Variants in SUSD1 observed in about 807,000 individuals in gnomAD.
SUSD1 encodes sushi domain-containing protein 1.
In SUSD1, 65 loss-of-function variants were observed where a neutral mutation model predicts 86.9. The ratio of observed to expected loss-of-function variants is 0.75; its 90% CI spans 0.61 to 0.92. SUSD1 has a LOEUF of 0.92. SUSD1 is among the 40% of genes least tolerant of loss of function. The probability of loss-of-function intolerance (pLI) is 0.00; values close to 1 mark genes in which losing one functional copy is unlikely to be tolerated. For missense variants in SUSD1, 850 were observed against 929.7 expected (o/e 0.91, Z 1.11); for synonymous variants, 346 against 350.0 (o/e 0.99, Z 0.13).
chr9:112,171,911 C>T (rs1834061598), intron 1 of SUSD1, among the ~76,000 whole-genome samples: 1 of 152,092 alleles, frequency 6.6e-6, no homozygotes, highest in African/African-American at 2.4e-5. Context: ...GTATCTACTC[C>T]GAGGCCAGGA....
At chr9:112,107,755 G>T (rs921585890) in intron 8 of SUSD1, among the ~76,000 whole-genome samples, 6 of 152,042 alleles carry the variant, frequency 3.9e-5, no homozygotes, top group African/African-American at 1.4e-4. Context: ...TGTTACTAGC[G>T]AAAGAATCTA....
Position 112,116,946 on chromosome 9 carries a change from C to A in SUSD1, c.887-4078G>T, listed in dbSNP as rs1288946553. Among the ~76,000 whole-genome samples the A allele has an allele frequency of 2.0e-5, 3 of 152,234 alleles. No individual in the cohort carries two copies. In the East Asian group the frequency reaches 5.8e-4, roughly 29 times the overall value. On this transcript the variant is annotated intron_variant, in intron 6 of 16. Transcript: ENST00000374270. ...CTTGAGGCCAGGAGTTCAAGACCAG[C>A]CTGGCCAACATGGCAAAAACATGTC...
At chr9:112,088,271 A>G (rs1024056517) in intron 10 of SUSD1, among the ~76,000 whole-genome samples, 1 of 152,252 alleles carries the variant, frequency 6.6e-6, no homozygotes, top group Non-Finnish European at 1.5e-5. Context: ...AGGATTGGTG[A>G]TAAGCATTTG....
chr9:112,103,672 G>C (rs529033904), intron 8 of SUSD1, among the ~76,000 whole-genome samples: 43 of 152,272 alleles, frequency 2.8e-4, no homozygotes, highest in Non-Finnish European at 5.3e-4. Context: ...AGTAAAAATG[G>C]GTCAAAATTT....
At chr9:112,042,498 T>C (rs1003564356) in intron 15 of SUSD1, among the ~76,000 whole-genome samples, 1 of 152,166 alleles carries the variant, frequency 6.6e-6, no homozygotes, top group Non-Finnish European at 1.5e-5. Flanking sequence ...AGGATAAAAG[T>C]ACTTTGAAAG....
Position 112,130,043 on chromosome 9 carries a change from A to G in SUSD1, c.707-5607T>C, listed in dbSNP as rs16936405. ...ACCAGTATTAATCTTGTGCCAGGGA[A>G]TTATAAGAAAGTTGTTCAGGCCTCA... On this transcript the variant is annotated intron_variant, in intron 5 of 16. Transcript: ENST00000374270. Among the ~76,000 whole-genome samples the G allele has an allele frequency of 6.1e-4, 93 of 152,258 alleles. No individual in the cohort carries two copies. In the East Asian group the frequency reaches 0.017, roughly 27 times the overall value.
intron 13 of SUSD1, 105 bp downstream of exon 13, chr9:112,062,832 C>A: frequency 2.7e-6 from 2 of 728,654 alleles, no homozygotes; most frequent in Non-Finnish European, 4.7e-6. Flanking sequence ...TCTAACCACC[C>A]AAGTGCAGCC....
intron 13 of SUSD1, among the ~76,000 whole-genome samples, chr9:112,060,117 C>A (rs575387564): frequency 2.0e-5 from 3 of 152,214 alleles, no homozygotes; most frequent in East Asian, 3.9e-4. Context: ...ACATGTCAAA[C>A]GCCCTATCTC....
intron 12 of SUSD1, among the ~76,000 whole-genome samples, chr9:112,077,913 T>G: frequency 6.6e-6 from 1 of 152,156 alleles, no homozygotes; most frequent in East Asian, 1.9e-4. Flanking sequence ...ATGCTTTAAA[T>G]ATCCAGAAGC....
intron 14 of SUSD1, among the ~76,000 whole-genome samples, chr9:112,053,029 T>C (rs932253165): frequency 2.0e-5 from 3 of 152,212 alleles, no homozygotes; most frequent in Admixed American, 6.5e-5. Flanking sequence ...CATTATGATA[T>C]GCTTATTTAC....
At chr9:112,095,331 G>A (rs1312462477) in intron 10 of SUSD1, among the ~76,000 whole-genome samples, 1 of 152,236 alleles carries the variant, frequency 6.6e-6, no homozygotes, top group Non-Finnish European at 1.5e-5. Flanking sequence ...AAGGGTAAAG[G>A]CTTAGAGCTG....
intron 5 of SUSD1, among the ~76,000 whole-genome samples, chr9:112,136,873 C>T (rs575463534): frequency 6.6e-5 from 10 of 152,258 alleles, no homozygotes; most frequent in South Asian, 4.1e-4. Flanking sequence ...AGAGTTGACT[C>T]GGCAACAATG....
intron 10 of SUSD1, among the ~76,000 whole-genome samples, chr9:112,095,999 T>C (rs1255086675): frequency 6.6e-6 from 1 of 152,160 alleles, no homozygotes; most frequent in African/African-American, 2.4e-5. Context: ...TCTAAAATTT[T>C]CAAGGAGAGT....
At chr9:112,130,556 AGAAAG>A (rs1397205386) in intron 5 of SUSD1, among the ~76,000 whole-genome samples, 1 of 150,358 alleles carries the variant, frequency 6.7e-6, no homozygotes, top group African/African-American at 2.4e-5. Context: ...AGGAAAGAAA[AGAAAG>A]GAAAGAAAGG....
intron 1 of SUSD1, among the ~76,000 whole-genome samples, chr9:112,170,139 G>A (rs140617205): frequency 8.4e-4 from 128 of 152,288 alleles, no homozygotes; most frequent in African/African-American, 2.9e-3. Flanking sequence ...CCTGGAGGTG[G>A]AAGACAAGCC....
At position 112,069,525 on chromosome 9, in the gene SUSD1, C is replaced by A. The variant is rs188238799; in HGVS notation, c.1754-6492G>T. 3.9e-3 allele frequency among the ~76,000 whole-genome samples: 592 copies of A among 152,252 alleles called. 1 individual carries two copies. Among genetic ancestry groups the A allele is most frequent in the Non-Finnish European group, 6.3e-3 (428 of 68,020 alleles). ...GAACGTACCCCTTCCCCTTTGAGAT[C>A]GAACTGCCCTCAGGCCCTTTGCTAT... On this transcript the variant is annotated intron_variant, in intron 12 of 16. Transcript: ENST00000374270.
chr9:112,108,905 C>T (rs993769607), intron 8 of SUSD1, among the ~76,000 whole-genome samples: 15 of 147,076 alleles, frequency 1.0e-4, no homozygotes, highest in African/African-American at 3.5e-4. Context: ...AATTTTAAAA[C>T]CCAAGAGTTC....
chr9:112,072,353 T>C (rs1232883221), intron 12 of SUSD1, among the ~76,000 whole-genome samples: 4 of 152,084 alleles, frequency 2.6e-5, no homozygotes, highest in Admixed American at 2.6e-4. Flanking sequence ...TTCACCATGT[T>C]GGCCAGGCTG....
Position 112,080,058 on chromosome 9 carries a change from A to T in SUSD1, c.1566+16T>A. The T allele has an allele frequency of 6.3e-7, 1 of 1,585,012 alleles. No homozygotes were observed. Among genetic ancestry groups the T allele is most frequent in the Non-Finnish European group, 8.7e-7 (1 of 1,153,916 alleles). ...AAGACAACCATCTATAAATACAGTA[A>T]CTTTCAGTCACTTACTAAATACATC... On this transcript the variant is annotated intron_variant, in intron 11 of 16. Coordinates refer to ENST00000374270, the MANE Select transcript of SUSD1 (RefSeq NM_022486.5).
Sources: gnomAD v4.1 joint callset for allele counts (sites outside exome capture counted in the v4.1 genomes callset) on GRCh38, gnomAD v4.1.1 for gene constraint, MANE v1.5 for transcripts, NCBI Gene and HGNC (gene_info 2026-07-23, HGNC 2026-07-21) for gene names.